The following UBL3 variants were observed in gnomAD, a reference collection of about 807,000 sequenced individuals.
UBL3 encodes ubiquitin like 3.
A neutral mutation model predicts 18.4 loss-of-function variants in UBL3; 6 were observed. That is an observed-to-expected ratio of 0.33 (90% CI 0.18 to 0.64). The LOEUF (loss-of-function observed/expected upper bound fraction) is 0.64. Ranked by LOEUF, UBL3 falls within the 30% of genes least tolerant of loss-of-function variation. UBL3 has a pLI of 0.76. For synonymous variants in UBL3, 49 were observed against 46.6 expected, an observed-to-expected ratio of 1.05 and a Z score of -0.21; for missense variants, 109 against 142.9, an observed-to-expected ratio of 0.76 and a Z score of 1.21.
chr13:29,821,476 G>A (rs1450160854), intron 1 of UBL3, among the ~76,000 whole-genome samples: 1 of 152,132 alleles, frequency 6.6e-6, no homozygotes, highest in Non-Finnish European at 1.5e-5. Flanking sequence ...AATACCTTTT[G>A]CAGACATTTA....
rs969746205 is a variant in UBL3 at position 29,849,838 on chromosome 13, G to C, written c.-300C>G. On this transcript the variant is annotated 5_prime_UTR_variant, in exon 1 of 5. Coordinates refer to ENST00000380680, the MANE Select transcript of UBL3 (RefSeq NM_007106.4). ...AGCAGCCCCAGGACCGGCCGCGCCA[G>C]GTGGACCGAGCCGAGTGACACACGG... The C allele has an allele frequency of 2.3e-5, 12 of 530,918 alleles. No individual in the cohort carries two copies. Among genetic ancestry groups the C allele is most frequent in the East Asian group, 3.3e-5 (1 of 29,912 alleles). The allele number at this position is 530,918 out of a possible 1,614,324, so 32.9% of individuals were successfully genotyped here.
intron 2 of UBL3, among the ~76,000 whole-genome samples, chr13:29,776,261 CTTTTTTTTTT>C (rs5741722): frequency 2.2e-5 from 2 of 91,702 alleles, no homozygotes; most frequent in African/African-American, 8.5e-5. Context: ...TCTTTTCTTT[CTTTTTTTTTT>C]TTTTTTTTTG....
chr13:29,796,176 T>G (rs1236387048), intron 1 of UBL3, among the ~76,000 whole-genome samples: 2 of 152,140 alleles, frequency 1.3e-5, no homozygotes, highest in Non-Finnish European at 2.9e-5. Flanking sequence ...TTGGAGCCCT[T>G]GGAAGTGGTT....
chr13:29,772,646 T>G (rs538931903), intron 2 of UBL3, among the ~76,000 whole-genome samples: 1 of 152,236 alleles, frequency 6.6e-6, no homozygotes, highest in Non-Finnish European at 1.5e-5. Flanking sequence ...AGTTAATATA[T>G]TGATATTGAG....
At chr13:29,799,902 C>T (rs973801785) in intron 1 of UBL3, among the ~76,000 whole-genome samples, 2 of 151,074 alleles carry the variant, frequency 1.3e-5, no homozygotes, top group African/African-American at 4.9e-5. Context: ...CAAAATAAGT[C>T]CAAGTATCAA....
At chr13:29,781,850 A>G (rs1877184864) in intron 1 of UBL3, among the ~76,000 whole-genome samples, 1 of 145,364 alleles carries the variant, frequency 6.9e-6, no homozygotes, top group South Asian at 2.2e-4. Context: ...AAAAAAAAAA[A>G]AGCCAGGTGT....
intron 1 of UBL3, among the ~76,000 whole-genome samples, chr13:29,787,282 G>T (rs534659932): frequency 1.3e-5 from 2 of 152,066 alleles, no homozygotes; most frequent in Non-Finnish European, 2.9e-5. Context: ...TGCCCAGCAC[G>T]TAAGTCCCTA....
chr13:29,801,158 A>C (rs529700305), intron 1 of UBL3, among the ~76,000 whole-genome samples: 1 of 152,158 alleles, frequency 6.6e-6, no homozygotes, highest in African/African-American at 2.4e-5. Flanking sequence ...GAAGGAACAG[A>C]GGGCCTGATG....
At chr13:29,782,403 T>A (rs1022920700) in intron 1 of UBL3, among the ~76,000 whole-genome samples, 1 of 152,220 alleles carries the variant, frequency 6.6e-6, no homozygotes, top group African/African-American at 2.4e-5. Flanking sequence ...TATTACACTT[T>A]CATATTTCAA....
chr13:29,773,229 A>G (rs1002273371), intron 2 of UBL3, among the ~76,000 whole-genome samples: 57 of 152,188 alleles, frequency 3.7e-4, no homozygotes, highest in African/African-American at 1.3e-3. Flanking sequence ...ATGAATGTGA[A>G]TTTGATAAAA....
intron 1 of UBL3, among the ~76,000 whole-genome samples, chr13:29,816,845 C>T (rs1408386707): frequency 6.8e-6 from 1 of 147,708 alleles, no homozygotes; most frequent in Non-Finnish European, 1.5e-5. Context: ...TTACAAGAAT[C>T]TGTGTAATAT....
intron 1 of UBL3, among the ~76,000 whole-genome samples, chr13:29,785,362 C>T (rs1040497087): frequency 6.6e-6 from 1 of 151,894 alleles, no homozygotes; most frequent in Non-Finnish European, 1.5e-5. Context: ...TTTTTAAGTG[C>T]TCAACTTTTT....
Position 29,849,950 on chromosome 13 carries a change from C to T in UBL3, c.-412G>A. ...TTCACACTTGCTCCCGAGTCAAGTC[C>T]TCATTAAGCAGGAGAAAAATGCCCC... On this transcript the variant is annotated 5_prime_UTR_variant, in exon 1 of 5. Transcript: ENST00000380680. 3.3e-6 allele frequency: 1 copy of T among 301,282 alleles called. No homozygotes were observed. Among genetic ancestry groups the T allele is most frequent in the Admixed American group, 4.7e-5 (1 of 21,218 alleles). The allele number at this position is 301,282 out of a possible 1,614,324, so 18.7% of individuals were successfully genotyped here.
At chr13:29,773,730 C>A (rs190693855) in intron 2 of UBL3, among the ~76,000 whole-genome samples, 1 of 152,210 alleles carries the variant, frequency 6.6e-6, no homozygotes, top group East Asian at 1.9e-4. Flanking sequence ...TAGAATATAG[C>A]TTAAATGAAG....
intron 1 of UBL3, among the ~76,000 whole-genome samples, chr13:29,781,652 C>T (rs1455578919): frequency 6.6e-6 from 1 of 151,636 alleles, no homozygotes; most frequent in African/African-American, 2.4e-5. Context: ...AAATCTCTGC[C>T]ACCTTCTCAA....
At chr13:29,848,655 C>A (rs995131330) in intron 1 of UBL3, among the ~76,000 whole-genome samples, 1 of 152,068 alleles carries the variant, frequency 6.6e-6, no homozygotes, top group African/African-American at 2.4e-5. Context: ...TATGTTTGTC[C>A]TTAGGACTGC....
chr13:29,775,039 T>A (rs906992615), intron 2 of UBL3, among the ~76,000 whole-genome samples: 7 of 152,214 alleles, frequency 4.6e-5, no homozygotes, highest in Non-Finnish European at 7.3e-5. Flanking sequence ...TTATACTGTA[T>A]AAATAAAGGT....
At chr13:29,829,393 C>T (rs1310955878) in intron 1 of UBL3, among the ~76,000 whole-genome samples, 7 of 151,494 alleles carry the variant, frequency 4.6e-5, no homozygotes, top group Non-Finnish European at 8.9e-5. Context: ...CAATGGCGGG[C>T]GCCCCTCCCC....
intron 1 of UBL3, among the ~76,000 whole-genome samples, chr13:29,786,651 T>G (rs541328424): frequency 1.4e-4 from 21 of 152,360 alleles, no homozygotes; most frequent in African/African-American, 4.8e-4. Flanking sequence ...TTCCTAACTA[T>G]GAATTTACTT....
Sources: allele counts gnomAD v4.1 joint callset (sites outside exome capture counted in the v4.1 genomes callset), GRCh38; gene constraint gnomAD v4.1.1; transcripts MANE v1.5; gene names NCBI Gene and HGNC (gene_info 2026-07-23, HGNC 2026-07-21).